Variants in TOPAZ1 observed in about 807,000 individuals in gnomAD.
TOPAZ1 encodes testis and ovary specific TOPAZ 1.
A neutral mutation model predicts 172.2 loss-of-function variants in TOPAZ1; 66 were observed. The observed-to-expected ratio is 0.38, with a 90% confidence interval of 0.31 to 0.47. The LOEUF (loss-of-function observed/expected upper bound fraction) is 0.47. Among genes scored for constraint, TOPAZ1 ranks in the 20% least tolerant of loss-of-function variants. TOPAZ1 has a pLI of 0.99. For missense variants in TOPAZ1, 1,822 were observed against 1,972.4 expected (o/e 0.92, Z 1.44); for synonymous variants, 681 against 683.9 (o/e 1.00, Z 0.07).
chr3:44,296,759 G>A (rs1181905334), intron 12 of TOPAZ1, among the ~76,000 whole-genome samples: 1 of 143,954 alleles, frequency 6.9e-6, no homozygotes, highest in Non-Finnish European at 1.5e-5. Flanking sequence ...GGATTTACAC[G>A]ATCTCTTGCA....
intron 3 of TOPAZ1, 99 bp downstream of exon 3, chr3:44,255,128 C>A: frequency 1.2e-6 from 1 of 804,178 alleles, no homozygotes; most frequent in Non-Finnish European, 2.0e-6. Context: ...AGAAGCTTTT[C>A]ATTTTAGGGT....
In TOPAZ1 at chr3:44,253,968, T is replaced by A. The variant is rs193221971; in HGVS notation, c.2766-1000T>A. On this transcript the variant is annotated intron_variant, in intron 2 of 19. Coordinates refer to ENST00000309765, the MANE Select transcript of TOPAZ1 (RefSeq NM_001145030.2). Reference sequence around the variant, plus strand: ...GATATGTTTTAAATTTTTGTCTAAGTGATTAAAAATGGAATAGTGTTTGGC... The same window carrying A: ...GATATGTTTTAAATTTTTGTCTAAGAGATTAAAAATGGAATAGTGTTTGGC... Among the ~76,000 whole-genome samples the A allele has an allele frequency of 2.6e-3, 393 of 152,346 alleles. 5 individuals are homozygous for A. The highest frequency in any genetic ancestry group is 9.1e-3 in the African/African-American group (380 of 41,576).
chr3:44,262,542 T>A lies in TOPAZ1; in HGVS notation c.3020+59T>A. On this transcript the variant is annotated intron_variant, in intron 5 of 19. Coordinates refer to ENST00000309765, the MANE Select transcript of TOPAZ1 (RefSeq NM_001145030.2). ...AATAGTCACTCATCTAATTTATATC[T>A]TGAGTATGTTTTTTATTCTCTGCTG... is the stretch of plus-strand genomic sequence containing the variant. 6 of 903,210 alleles carry A rather than the reference T, an allele frequency of 6.6e-6. No homozygotes were observed. In the South Asian group the frequency reaches 6.8e-5, roughly 10 times the overall value. The allele number at this position is 903,210 out of a possible 1,614,324, so 55.9% of individuals were successfully genotyped here. A position where few individuals can be genotyped will look rare whatever the true frequency, so the allele number is the denominator to read the frequency against.
At chr3:44,308,171 T>C (rs1267616582) in intron 15 of TOPAZ1, among the ~76,000 whole-genome samples, 1 of 151,912 alleles carries the variant, frequency 6.6e-6, no homozygotes, top group African/African-American at 2.4e-5. Flanking sequence ...GGCAGGAGAA[T>C]TGCTTGAACC....
chr3:44,269,363 T>A, intron 7 of TOPAZ1, 62 bp downstream of exon 7: 1 of 885,182 alleles, frequency 1.1e-6, no homozygotes, highest in Non-Finnish European at 1.8e-6. Flanking sequence ...CTCCTCCTTC[T>A]CCTCCCTCCT....
chr3:44,268,499 G>A (rs773956729), intron 6 of TOPAZ1, among the ~76,000 whole-genome samples: 21 of 150,384 alleles, frequency 1.4e-4, no homozygotes, highest in Non-Finnish European at 2.4e-4. Context: ...TCAGCCTCTC[G>A]AGTAGCTGGG....
At chr3:44,264,739 T>C (rs531880131) in intron 5 of TOPAZ1, among the ~76,000 whole-genome samples, 1 of 152,362 alleles carries the variant, frequency 6.6e-6, no homozygotes, top group East Asian at 1.9e-4. Flanking sequence ...CTACCTCTGC[T>C]TTATCAACTA....
At chr3:44,284,572 A>G (rs1221670624) in intron 9 of TOPAZ1, among the ~76,000 whole-genome samples, 1 of 152,186 alleles carries the variant, frequency 6.6e-6, no homozygotes, top group Non-Finnish European at 1.5e-5. Flanking sequence ...TAATGTTGCC[A>G]TGAACTTTGA....
intron 16 of TOPAZ1, 145 bp downstream of exon 16, chr3:44,310,135 T>C (rs1436795782): frequency 2.9e-6 from 2 of 681,736 alleles, no homozygotes; most frequent in Non-Finnish European, 4.8e-6. Flanking sequence ...AAGGTTGTCA[T>C]GTAAACTGAA....
chr3:44,250,121 G>A (rs374445858), intron 2 of TOPAZ1, among the ~76,000 whole-genome samples: 41 of 151,890 alleles, frequency 2.7e-4, no homozygotes, highest in Middle Eastern at 6.8e-3. Context: ...GATCTATGCC[G>A]GGCAAATTAT....
At chr3:44,266,902 A>T (rs972709487) in intron 5 of TOPAZ1, 95 bp from the exon 6 acceptor site, 128 of 973,058 alleles carry the variant, frequency 1.3e-4, no homozygotes, top group Non-Finnish European at 1.7e-4. Flanking sequence ...AAAATAAAAA[A>T]TTTTTTTAAA....
At chr3:44,261,398 A>G (rs1054766177) in intron 4 of TOPAZ1, among the ~76,000 whole-genome samples, 1 of 152,130 alleles carries the variant, frequency 6.6e-6, no homozygotes, top group Non-Finnish European at 1.5e-5. Context: ...ACCCAGCACC[A>G]TTTATTGAAT....
At chr3:44,298,929 T>TTTTTTTTTG (rs1559541961) in intron 12 of TOPAZ1, among the ~76,000 whole-genome samples, 11 of 52,528 alleles carry the variant, frequency 2.1e-4, no homozygotes, top group African/African-American at 3.2e-4. Flanking sequence ...TTTTTTTTTT[T>TTTTTTTTTG]TTTTTCCCCC....
rs201546531 is a variant in TOPAZ1 at position 44,244,764 on chromosome 3, C to T, written c.2258C>T (p.Pro753Leu). ...QTLSIRNSVT[P>L]VQASSDSFYN... ...TTGAGCATACGAAATAGTGTAACTC[C>T]AGTGCAAGCTAGTTCTGACTCATTC... The change falls in exon 2 of 20, where the codon CCA becomes CTA. Residue 753 changes from proline to leucine, a missense_variant. Coordinates refer to ENST00000309765, the MANE Select transcript of TOPAZ1 (RefSeq NM_001145030.2). The T allele has an allele frequency of 3.1e-4, 483 of 1,551,502 alleles. 2 individuals are homozygous for T. The highest frequency in any genetic ancestry group is 1.7e-3 in the Middle Eastern group (10 of 5,990).
Position 44,314,567 on chromosome 3 carries a change from C to G in TOPAZ1, c.4306+4577C>G, listed in dbSNP as rs1406612571. 5.9e-5 allele frequency among the ~76,000 whole-genome samples: 9 copies of G among 152,008 alleles called. No individual in the cohort carries two copies. In the East Asian group the frequency reaches 1.5e-3, roughly 26 times the overall value. ...TGTATTTTTAACTACTACACCAGTA[C>G]TATTGTTTTCCTAGTTTTTCCTCTA... On this transcript the variant is annotated intron_variant, in intron 16 of 19. Coordinates refer to ENST00000309765, the MANE Select transcript of TOPAZ1 (RefSeq NM_001145030.2).
At chr3:44,298,796 T>C (rs1700227691) in intron 12 of TOPAZ1, among the ~76,000 whole-genome samples, 1 of 59,838 alleles carries the variant, frequency 1.7e-5, no homozygotes. Context: ...AAAAAAACTT[T>C]TAGGAAAAAA....
chr3:44,298,312 T>G (rs1406446601), intron 12 of TOPAZ1, among the ~76,000 whole-genome samples: 1 of 151,984 alleles, frequency 6.6e-6, no homozygotes, highest in African/African-American at 2.4e-5. Flanking sequence ...AAAAATTAGC[T>G]GGGCATGATG....
chr3:44,277,044 G>A (rs530604649), intron 8 of TOPAZ1, among the ~76,000 whole-genome samples: 1 of 152,232 alleles, frequency 6.6e-6, no homozygotes, highest in East Asian at 1.9e-4. Flanking sequence ...GCCTGCCTCA[G>A]CCTCCCAAAG....
intron 16 of TOPAZ1, among the ~76,000 whole-genome samples, chr3:44,310,773 G>A (rs73829627): frequency 1.4e-3 from 210 of 152,310 alleles, no homozygotes; most frequent in Middle Eastern, 0.01. Flanking sequence ...TGCAGTGTGC[G>A]TAAACTCTAT....
Sources: gnomAD v4.1 joint callset for allele counts (sites outside exome capture counted in the v4.1 genomes callset) on GRCh38, gnomAD v4.1.1 for gene constraint, MANE v1.5 for transcripts, NCBI Gene and HGNC (gene_info 2026-07-23, HGNC 2026-07-21) for gene names.